TMPRSS13: variants seen among roughly 807,000 people sequenced by gnomAD.
TMPRSS13 encodes transmembrane protease serine 13.
A neutral mutation model predicts 68.4 loss-of-function variants in TMPRSS13; 50 were observed. That is an observed-to-expected ratio of 0.73 (90% confidence interval 0.58 to 0.93). The LOEUF is 0.93. Among genes scored for constraint, TMPRSS13 ranks in the 40% least tolerant of loss-of-function variants. The pLI, the probability that TMPRSS13 is intolerant of heterozygous loss-of-function variation, is 0.00. For missense variants in TMPRSS13, 615 were observed against 729.2 expected, an observed-to-expected ratio of 0.84 and a Z score of 1.80; for synonymous variants, 267 against 285.8, an observed-to-expected ratio of 0.93 and a Z score of 0.66.
rs2057659354 is a variant in TMPRSS13 at position 117,922,558 on chromosome 11, A to T, written c.22-3720T>A. Among the ~76,000 whole-genome samples the T allele has an allele frequency of 6.6e-6, 1 of 152,262 alleles. No individual in the cohort carries two copies. The highest frequency in any genetic ancestry group is 2.1e-4 in the South Asian group (1 of 4,814). On this transcript the variant is annotated intron_variant, in intron 1 of 12. Transcript: ENST00000524993. This position sits in a 1 kb window ranked among gnomAD's most constrained non-coding sequence, Gnocchi z 4.2. ...TTCTTATCCAAGGTCCCAAGCTACAAGGGGCAGAACCAGGACCAGAACCCA... is the reference window on the plus strand; with the variant it reads ...TTCTTATCCAAGGTCCCAAGCTACATGGGGCAGAACCAGGACCAGAACCCA...
intron 12 of TMPRSS13, chr11:117,903,334 A>C (rs1487215229): frequency 5.5e-6 from 8 of 1,464,942 alleles, no homozygotes; most frequent in Non-Finnish European, 6.4e-6. Context: ...CCTCTGCAGA[A>C]ACTGAAACGT....
rs1230258752 is a variant in TMPRSS13 at position 117,903,975 on chromosome 11, C to T, written c.1508G>A (p.Gly503Asp). ...TACCCTCACCTGGCAGGAGTCTCTG[C>T]CCCCACGAAGGTCCCCAGCACACAT... ...RMMCAGDLRG[G>D]RDSCQGDSGG... The change falls in exon 11 of 13, where the codon GGC (glycine) becomes GAC (aspartate). Residue 503 changes from glycine to aspartate, a missense_variant. Physicochemically the swap from Gly to Asp is moderately conservative, Grantham distance 94. Coordinates refer to ENST00000524993, the MANE Select transcript of TMPRSS13 (RefSeq NM_001077263.3). The T allele has an allele frequency of 1.2e-6, 2 of 1,612,112 alleles. No individual in the cohort carries two copies. The highest frequency in any genetic ancestry group is 1.7e-6 in the Non-Finnish European group (2 of 1,179,134).
At position 117,901,546 on chromosome 11, in the gene TMPRSS13, A is replaced by T; in HGVS notation, c.*693T>A. 6.6e-6 allele frequency: 1 copy of T among 152,216 alleles called. No individual in the cohort carries two copies. Among genetic ancestry groups the T allele is most frequent in the East Asian group, 1.9e-4 (1 of 5,196 alleles). 9.4% of individuals were successfully genotyped at this position (152,216 alleles called of 1,614,324 possible). A position where few individuals can be genotyped will look rare whatever the true frequency, so the allele number is the denominator to read the frequency against. On this transcript the variant is annotated 3_prime_UTR_variant, in exon 13 of 13. Coordinates refer to ENST00000524993, the MANE Select transcript of TMPRSS13 (RefSeq NM_001077263.3). Reference sequence around the variant, plus strand: ...CTTCTGGACTTTTTGGAGAATCTTTAAAAATACCCGTATTTTCATTTCTTA... The same window carrying T: ...CTTCTGGACTTTTTGGAGAATCTTTTAAAATACCCGTATTTTCATTTCTTA...
rs200481694 is a variant in TMPRSS13, at chr11:117,904,080, C to A, written c.1403G>T (p.Arg468Leu). The A allele has an allele frequency of 3.5e-5, 56 of 1,613,924 alleles. No homozygotes were observed. The Admixed American group carries it at 9.3e-4, about 27-fold the overall frequency. The change falls in exon 11 of 13, where the codon CGG becomes CTG. Residue 468 changes from arginine to leucine, a missense_variant. Coordinates refer to ENST00000524993, the MANE Select transcript of TMPRSS13 (RefSeq NM_001077263.3). ...ETDDKTSPFL[R>L]EVQVNLIDFK... is the part of the protein sequence containing the mutation. ...GTCGATGAGATTGACCTGCACCTCC[C>A]GGAGGAAGGGGGATGTCTTGTCTTC...
At chr11:117,927,662 C>A (rs2057719668) in intron 1 of TMPRSS13, among the ~76,000 whole-genome samples, 1 of 152,146 alleles carries the variant, frequency 6.6e-6, no homozygotes, top group African/African-American at 2.4e-5. Context: ...CTCAGGTGAC[C>A]AGCTTCTCCC....
Position 117,918,792 on chromosome 11 carries a change from T to G in TMPRSS13, c.68A>C (p.Gln23Pro). 6.2e-7 allele frequency: 1 copy of G among 1,613,590 alleles called. No homozygotes were observed. The highest frequency in any genetic ancestry group is 2.2e-5 in the East Asian group (1 of 44,880). ...RTPSAGASPA[Q>P]ASPAGTPPGR... The stretch of plus-strand genomic sequence containing the variant: ...TGGAGGTGTCCCAGCTGGAGATGCC[T>G]GGGCTGGAGATGCTCCAGCTGAAGG... Residue 23 changes from glutamine to proline, a missense_variant, in exon 2 of 13, where the codon CAG (glutamine) becomes CCG (proline). Gln to Pro is a moderately conservative substitution (Grantham distance 76). Coordinates refer to ENST00000524993, the MANE Select transcript of TMPRSS13 (RefSeq NM_001077263.3).
intron 2 of TMPRSS13, 89 bp downstream of exon 2, chr11:117,918,320 T>G: frequency 4.9e-6 from 7 of 1,429,410 alleles, no homozygotes; most frequent in African/African-American, 1.4e-5. Context: ...TTGTCTGCTA[T>G]GAGAGCAGAG....
At chr11:117,912,003 A>C in intron 5 of TMPRSS13, 143 bp from the exon 6 acceptor site, 1 of 645,370 alleles carries the variant, frequency 1.5e-6, no homozygotes, top group Non-Finnish European at 2.7e-6. Context: ...TCCAAGCAGC[A>C]GCTAAGCCCC....
At chr11:117,904,575 A>T (rs1328148906) in intron 10 of TMPRSS13, among the ~76,000 whole-genome samples, 1 of 152,034 alleles carries the variant, frequency 6.6e-6, no homozygotes, top group Non-Finnish European at 1.5e-5. Context: ...AGTAGGCTGC[A>T]CCCACATCAG....
In TMPRSS13 at chr11:117,918,826, C is replaced by T. The variant is rs774096792; in HGVS notation, c.34G>A (p.Ala12Thr). ...ERDSHGNASP[A>T]RTPSAGASPA... ...GATGCTCCAGCTGAAGGTGTTCTTG[C>T]TGGAGATGCATTCTGAAAGCAGATC... The change falls in exon 2 of 13, where the codon GCA (alanine) becomes ACA (threonine). Residue 12 changes from alanine (A) to threonine (T), a missense_variant. Transcript: ENST00000524993. 6.2e-7 allele frequency: 1 copy of T among 1,613,744 alleles called. No individual in the cohort carries two copies. The highest frequency in any genetic ancestry group is 8.5e-7 in the Non-Finnish European group (1 of 1,179,862).
intron 1 of TMPRSS13, among the ~76,000 whole-genome samples, chr11:117,919,984 A>G (rs1424207269): frequency 6.6e-6 from 1 of 152,214 alleles, no homozygotes; most frequent in Non-Finnish European, 1.5e-5. Context: ...ACCTGGGGAT[A>G]GGGCTGGGGG....
In TMPRSS13 at chr11:117,904,084, G is replaced by A; in HGVS notation, c.1399C>T (p.Leu467Phe). The change falls in exon 11 of 13, where the codon CTC becomes TTC. Residue 467 changes from leucine (L) to phenylalanine (F), a missense_variant. Transcript: ENST00000524993. ...RETDDKTSPF[L>F]REVQVNLIDF... The stretch of plus-strand genomic sequence containing the variant: ...ATGAGATTGACCTGCACCTCCCGGA[G>A]GAAGGGGGATGTCTTGTCTTCAGTG... 6.2e-7 allele frequency: 1 copy of A among 1,614,090 alleles called. No homozygotes were observed. Among genetic ancestry groups the A allele is most frequent in the Non-Finnish European group, 8.5e-7 (1 of 1,179,964 alleles).
At chr11:117,902,662 C>A (rs368161961) in intron 12 of TMPRSS13, among the ~76,000 whole-genome samples, 3 of 152,256 alleles carry the variant, frequency 2.0e-5, no homozygotes, top group Non-Finnish European at 4.4e-5. Flanking sequence ...CCACTGCCAG[C>A]GGCCTGTGTG....
chr11:117,913,760 G>T lies in TMPRSS13; in HGVS notation c.809+17C>A. The T allele has an allele frequency of 1.2e-6, 2 of 1,612,972 alleles. No individual in the cohort carries two copies. Among genetic ancestry groups the T allele is most frequent in the South Asian group, 1.1e-5 (1 of 91,020 alleles). On this transcript the variant is annotated intron_variant, in intron 5 of 12. Coordinates refer to ENST00000524993, the MANE Select transcript of TMPRSS13 (RefSeq NM_001077263.3). ...ACATCCCTGAAGCCTGGACTCTGGG[G>T]CCAGGTTGGGGGTTACCTCTCGAAA...
Position 117,902,174 on chromosome 11 carries a change from T to A in TMPRSS13, c.*65A>T. ...CCATTAGCCCAGATGATGCCACACA[T>A]GGCCAGTCACCATGGCCAGAGTCTT... is the stretch of plus-strand genomic sequence containing the variant. On this transcript the variant is annotated 3_prime_UTR_variant, in exon 13 of 13. Coordinates refer to ENST00000524993, the MANE Select transcript of TMPRSS13 (RefSeq NM_001077263.3). The A allele has an allele frequency of 6.3e-7, 1 of 1,599,596 alleles. No individual in the cohort carries two copies. The highest frequency in any genetic ancestry group is 8.6e-7 in the Non-Finnish European group (1 of 1,169,442).
rs199585651 is a variant in TMPRSS13, at chr11:117,918,542, G to A, written c.318C>T (p.Ser106=). 62 of 1,614,186 alleles carry A rather than the reference G, an allele frequency of 3.8e-5. No individual in the cohort carries two copies. The highest frequency in any genetic ancestry group is 1.7e-4 in the African/African-American group (13 of 75,050). ...LSRSSSGRSS[S]ARSASVTTSP... is the part of the protein sequence containing the mutation. ...AGGTTGTCACCGAGGCTGACCTGGCGGATGATGACCTGCCGGATGAGGACC... is the reference window on the plus strand; with the variant it reads ...AGGTTGTCACCGAGGCTGACCTGGCAGATGATGACCTGCCGGATGAGGACC... The change falls in exon 2 of 13, where the codon TCC becomes TCT. Residue 106 remains serine, a synonymous_variant. Coordinates refer to ENST00000524993, the MANE Select transcript of TMPRSS13 (RefSeq NM_001077263.3).
intron 12 of TMPRSS13, 144 bp downstream of exon 12, chr11:117,903,511 A>C: frequency 6.5e-7 from 1 of 1,549,332 alleles, no homozygotes; most frequent in Non-Finnish European, 8.7e-7. Flanking sequence ...GACCCCAGGC[A>C]TCACATTTGA....
At chr11:117,903,473 A>G in intron 12 of TMPRSS13, 182 bp downstream of exon 12, 1 of 1,539,372 alleles carries the variant, frequency 6.5e-7, no homozygotes. Flanking sequence ...GAAGAAAAGC[A>G]GGGAAAGAAA....
At chr11:117,902,338 G>C in intron 12 of TMPRSS13, 73 bp from the exon 13 acceptor site, 1 of 1,545,332 alleles carries the variant, frequency 6.5e-7, no homozygotes, top group Non-Finnish European at 8.9e-7. Flanking sequence ...CAAGGTTGGG[G>C]TTCAGAACCT....
Sources: gnomAD v4.1 joint callset for allele counts (sites outside exome capture counted in the v4.1 genomes callset) on GRCh38, gnomAD v4.1.1 for gene constraint, Gnocchi (gnomAD v3.1) non-coding constraint, MANE v1.5 for transcripts, NCBI Gene and HGNC (gene_info 2026-07-23, HGNC 2026-07-21) for gene names.